GABBR2: variants seen among roughly 807,000 people sequenced by gnomAD.
The protein encoded by GABBR2 is G-protein coupled receptor 51.
GABBR2 carries 23 observed loss-of-function variants against 105.6 expected under a neutral mutation model. The observed-to-expected ratio is 0.22, with a 90% CI of 0.16 to 0.31. The LOEUF (loss-of-function observed/expected upper bound fraction) is 0.31. GABBR2 is among the 10% of genes least tolerant of loss of function. The probability of loss-of-function intolerance (pLI) is 1.00; values close to 1 mark genes in which losing one functional copy is unlikely to be tolerated. For missense variants in GABBR2, 734 were observed against 1,245.5 expected, an observed-to-expected ratio of 0.59 and a Z score of 6.18; for synonymous variants, 478 against 499.7, an observed-to-expected ratio of 0.96 and a Z score of 0.58.
intron 1 of GABBR2, among the ~76,000 whole-genome samples, chr9:98,586,059 C>T (rs185184922): frequency 5.9e-5 from 9 of 151,944 alleles, no homozygotes; most frequent in East Asian, 1.9e-4. Context: ...CTTCAGAGCA[C>T]GGTTTCATTT....
At position 98,319,220 on chromosome 9, in the gene GABBR2, C is replaced by T. The variant is rs180800383; in HGVS notation, c.1894-8015G>A. 3.0e-4 allele frequency among the ~76,000 whole-genome samples: 46 copies of T among 152,224 alleles called. 2 individuals carry two copies. The highest frequency in any genetic ancestry group is 2.7e-3 in the Admixed American group (41 of 15,286). On this transcript the variant is annotated intron_variant, in intron 13 of 18. Transcript: ENST00000259455. ...TGATCAAAGGAGGTGCGGTGTGACT[C>T]GCAAGCTGGAGAGACGGGAAAGCCT...
At chr9:98,670,201 C>A (rs1396110807) in intron 1 of GABBR2, among the ~76,000 whole-genome samples, 1 of 151,842 alleles carries the variant, frequency 6.6e-6, no homozygotes, top group African/African-American at 2.4e-5. Context: ...GTGTACAATT[C>A]AATACTTTCT....
chr9:98,686,979 A>G (rs1486711302), intron 1 of GABBR2, among the ~76,000 whole-genome samples: 1 of 151,940 alleles, frequency 6.6e-6, no homozygotes, highest in Non-Finnish European at 1.5e-5. Context: ...AACAAGACAA[A>G]GATCCTCCCT....
intron 1 of GABBR2, among the ~76,000 whole-genome samples, chr9:98,617,812 C>A (rs1829609344): frequency 6.6e-6 from 1 of 152,206 alleles, no homozygotes; most frequent in African/African-American, 2.4e-5. Context: ...CAGAACAAGA[C>A]CACAGGCAGT....
chr9:98,402,201 G>A (rs777089232), intron 8 of GABBR2, among the ~76,000 whole-genome samples: 3 of 152,038 alleles, frequency 2.0e-5, no homozygotes, highest in Non-Finnish European at 2.9e-5. Context: ...GAGTTGGAGC[G>A]GCAGATGCTG....
intron 11 of GABBR2, among the ~76,000 whole-genome samples, chr9:98,377,535 G>T (rs1390683220): frequency 6.6e-6 from 1 of 151,940 alleles, no homozygotes; most frequent in Non-Finnish European, 1.5e-5. Flanking sequence ...GGAACTGTTT[G>T]TTTACTTAGG....
chr9:98,337,192 C>T (rs1031986451), intron 13 of GABBR2, among the ~76,000 whole-genome samples: 1 of 152,180 alleles, frequency 6.6e-6, no homozygotes, highest in African/African-American at 2.4e-5. Flanking sequence ...GTAACCTCAG[C>T]TACTCAGGAG....
intron 1 of GABBR2, among the ~76,000 whole-genome samples, chr9:98,676,532 C>G (rs1830479447): frequency 6.6e-6 from 1 of 152,206 alleles, no homozygotes; most frequent in Non-Finnish European, 1.5e-5. Flanking sequence ...AAAGAAGTGA[C>G]ATGTACAACT....
chr9:98,471,988 T>C (rs1298002657), intron 6 of GABBR2, among the ~76,000 whole-genome samples: 7 of 152,262 alleles, frequency 4.6e-5, no homozygotes, highest in Non-Finnish European at 8.8e-5. Context: ...TTACAAAATA[T>C]GTCCTAATGA....
chr9:98,388,628 T>A lies in GABBR2; in HGVS notation c.1529+226A>T, dbSNP rs1444941008. Among the ~76,000 whole-genome samples, 1 of 104,258 alleles carries A rather than the reference T, an allele frequency of 9.6e-6. No homozygotes were observed. The highest frequency in any genetic ancestry group is 8.4e-5 in the Admixed American group (1 of 11,862). 68.4% of individuals were successfully genotyped at this position (104,258 alleles called of 152,430 possible). A position where few individuals can be genotyped will look rare whatever the true frequency, so the allele number is the denominator to read the frequency against. ...ACCAGCAGCCTGGCCTCTGTGTGTG[T>A]GTGTGTGTGTGTGTGTGTGTGTGTG... On this transcript the variant is annotated intron_variant, in intron 10 of 18. Coordinates refer to ENST00000259455, the MANE Select transcript of GABBR2 (RefSeq NM_005458.8). The surrounding 1 kb of genome is among the most constrained non-coding windows in gnomAD (Gnocchi z 4.4).
chr9:98,346,258 C>A (rs1448107549), intron 13 of GABBR2, among the ~76,000 whole-genome samples: 1 of 152,224 alleles, frequency 6.6e-6, no homozygotes, highest in Admixed American at 6.5e-5. Flanking sequence ...AAATTGGAAT[C>A]AATCCTCTCA....
chr9:98,388,129 G>A lies in GABBR2; in HGVS notation c.1529+725C>T, dbSNP rs545874690. On this transcript the variant is annotated intron_variant, in intron 10 of 18. Coordinates refer to ENST00000259455, the MANE Select transcript of GABBR2 (RefSeq NM_005458.8). This position sits in a 1 kb window ranked among gnomAD's most constrained non-coding sequence, Gnocchi z 4.4. ...CAAAATGCACTTGGTAAAAACCACC[G>A]CCTGGAGTGGCGGCCTGTTCTACCC... Among the ~76,000 whole-genome samples, 5 of 152,300 alleles carry A rather than the reference G, an allele frequency of 3.3e-5. No homozygotes were observed. The highest frequency in any genetic ancestry group is 3.9e-4 in the East Asian group (2 of 5,174).
chr9:98,565,588 C>T (rs921519882), intron 2 of GABBR2, among the ~76,000 whole-genome samples: 1 of 152,198 alleles, frequency 6.6e-6, no homozygotes, highest in Non-Finnish European at 1.5e-5. Context: ...GATCCCAGGG[C>T]TCTGTCTCTA....
chr9:98,614,171 A>G (rs1291476322), intron 1 of GABBR2, among the ~76,000 whole-genome samples: 1 of 152,254 alleles, frequency 6.6e-6, no homozygotes, highest in Admixed American at 6.5e-5. Flanking sequence ...ACTCAAAATA[A>G]GAGAGTAGAA....
intron 6 of GABBR2, among the ~76,000 whole-genome samples, chr9:98,461,798 G>A (rs749687635): frequency 3.9e-5 from 6 of 152,200 alleles, no homozygotes; most frequent in South Asian, 4.1e-4. Flanking sequence ...AAGGGCCTCA[G>A]GAAGCTTTCA....
At chr9:98,505,259 G>T (rs764481568) in intron 3 of GABBR2, among the ~76,000 whole-genome samples, 1 of 152,172 alleles carries the variant, frequency 6.6e-6, no homozygotes, top group Non-Finnish European at 1.5e-5. Context: ...CTACTTTTTA[G>T]ATTTCTACAA....
Position 98,543,366 on chromosome 9 carries a change from A to T in GABBR2, c.460-1323T>A, listed in dbSNP as rs146741089. 4.8e-3 allele frequency among the ~76,000 whole-genome samples: 720 copies of T among 151,120 alleles called. 10 individuals carry two copies. The highest frequency in any genetic ancestry group is 0.017 in the African/African-American group (685 of 41,362). On this transcript the variant is annotated intron_variant, in intron 2 of 18. Transcript: ENST00000259455. ...TGTTATATTAATTTTATTTATATAT[A>T]TATTTATTTATTATTTAGAGACAGG...
At position 98,406,081 on chromosome 9, in the gene GABBR2, C is replaced by T. The variant is rs1264872820; in HGVS notation, c.1297G>A (p.Asp433Asn). Residue 433 changes from aspartate (D) to asparagine (N), a missense_variant and splice_region_variant, in exon 8 of 19, where the codon GAC becomes AAC. By Grantham distance (23) the Asp-to-Asn change is conservative (BLOSUM62 1). Around this residue, in one of 7 missense-constraint regions of GABBR2, gnomAD observed 370 missense variants for 648.9 expected, o/e 0.57. Coordinates refer to ENST00000259455, the MANE Select transcript of GABBR2 (RefSeq NM_005458.8). Reference sequence around the variant, plus strand: ...AAAGAATAAGCATCAAAATGCCTACCTTGAAATTGAGTAAATTTAATGGTC... The same window carrying T: ...AAAGAATAAGCATCAAAATGCCTACTTTGAAATTGAGTAAATTTAATGGTC... ...MGTIKFTQFQ[D>N]SREVKVGEYN... is the part of the protein sequence containing the mutation. 6.5e-7 allele frequency: 1 copy of T among 1,536,868 alleles called. No homozygotes were observed. Among genetic ancestry groups the T allele is most frequent in the Non-Finnish European group, 9.0e-7 (1 of 1,115,144 alleles).
At chr9:98,498,090 G>C (rs1192751029) in intron 3 of GABBR2, among the ~76,000 whole-genome samples, 1 of 152,208 alleles carries the variant, frequency 6.6e-6, no homozygotes, top group African/African-American at 2.4e-5. Flanking sequence ...CAACATGGAT[G>C]AGCCTTGAAG....
Sources: allele counts gnomAD v4.1 joint callset (sites outside exome capture counted in the v4.1 genomes callset), GRCh38; gene constraint gnomAD v4.1.1; regional missense constraint gnomAD v4.1.1; non-coding constraint Gnocchi (gnomAD v3.1); transcripts MANE v1.5; gene names NCBI Gene and HGNC (gene_info 2026-07-23, HGNC 2026-07-21).